ARFGEF2: variants seen among roughly 807,000 people sequenced by gnomAD.
ARFGEF2 encodes the protein ARF guanine nucleotide exchange factor 2.
In ARFGEF2, 74 loss-of-function variants were observed where a neutral mutation model predicts 219.9. The observed-to-expected ratio is 0.34, with a 90% confidence interval of 0.28 to 0.41. The LOEUF (loss-of-function observed/expected upper bound fraction) is 0.41, where lower values mean the gene tolerates loss of function less well. ARFGEF2 is among the 10% of genes least tolerant of loss of function. The pLI is 1.00. For synonymous variants in ARFGEF2, 733 were observed against 799.2 expected (o/e 0.92, Z 1.40); for missense variants, 1,743 against 2,218.3 (o/e 0.79, Z 4.30).
chr20:49,031,323 G>A (rs2091633328), intron 37 of ARFGEF2, among the ~76,000 whole-genome samples: 1 of 139,370 alleles, frequency 7.2e-6, no homozygotes, highest in Non-Finnish European at 1.5e-5. Flanking sequence ...TCCACCTCCT[G>A]AGTTCAAGTG....
intron 1 of ARFGEF2, among the ~76,000 whole-genome samples, chr20:48,928,002 A>G (rs144450360): frequency 6.6e-6 from 1 of 152,196 alleles, no homozygotes; most frequent in Non-Finnish European, 1.5e-5. Context: ...GAGACTTTGA[A>G]AGTTTGATTT....
chr20:48,985,431 A>C lies in ARFGEF2; in HGVS notation c.2094A>C (p.Gly698=), dbSNP rs2091321405. Residue 698 remains glycine, a synonymous_variant, in exon 16 of 39, where the codon GGA becomes GGC. Coordinates refer to ENST00000371917, the MANE Select transcript of ARFGEF2 (RefSeq NM_006420.3). ...AGACCCAAGTAGGCGATTTTCTGGG[A>C]GATAGCGCAAGGTTCAACAAGGAGG... ...LDSTQVGDFL[G]DSARFNKEVM... is the part of the protein sequence containing the mutation. 6.2e-7 allele frequency: 1 copy of C among 1,614,026 alleles called. No individual in the cohort carries two copies. Among genetic ancestry groups the C allele is most frequent in the African/African-American group, 1.3e-5 (1 of 74,908 alleles).
At chr20:49,023,327 G>C (rs2091578339) in intron 35 of ARFGEF2, 146 bp downstream of exon 35, 2 of 1,158,232 alleles carry the variant, frequency 1.7e-6, no homozygotes, top group Non-Finnish European at 2.5e-6. Flanking sequence ...ATGGCATGTT[G>C]ATGCTTAAAA....
intron 25 of ARFGEF2, among the ~76,000 whole-genome samples, chr20:49,003,462 G>C (rs1317938101): frequency 6.6e-6 from 1 of 151,666 alleles, no homozygotes; most frequent in East Asian, 2.0e-4. Flanking sequence ...AAAATTAGCC[G>C]ATCTTGGTGG....
chr20:48,955,398 A>T (rs1000782070), intron 6 of ARFGEF2, among the ~76,000 whole-genome samples: 1 of 152,024 alleles, frequency 6.6e-6, no homozygotes, highest in East Asian at 1.9e-4. Flanking sequence ...TTTCCATAGT[A>T]CTTACAATAC....
At chr20:48,990,107 A>AGGT (rs1367336566) in intron 20 of ARFGEF2, among the ~76,000 whole-genome samples, 1 of 152,142 alleles carries the variant, frequency 6.6e-6, no homozygotes, top group Non-Finnish European at 1.5e-5. Flanking sequence ...TGAACCCAGG[A>AGGT]GGTGGAGGTT....
At chr20:48,929,666 A>C (rs2090901283) in intron 1 of ARFGEF2, among the ~76,000 whole-genome samples, 1 of 152,224 alleles carries the variant, frequency 6.6e-6, no homozygotes, top group Admixed American at 6.5e-5. Flanking sequence ...TTGAGAATTA[A>C]TGATGAGTGA....
chr20:48,979,714 G>A (rs1406952120), intron 14 of ARFGEF2, among the ~76,000 whole-genome samples: 2 of 152,198 alleles, frequency 1.3e-5, no homozygotes, highest in East Asian at 3.8e-4. Context: ...GAGGGTGTAT[G>A]TGTCGAGGAA....
intron 36 of ARFGEF2, among the ~76,000 whole-genome samples, chr20:49,025,939 G>A (rs13041022): frequency 0.36 from 54,512 of 149,882 alleles, 10,662 homozygotes; most frequent in African/African-American, 0.53. Flanking sequence ...CCGAGATTGC[G>A]CCACTGCACT....
At chr20:48,923,040 A>G (rs748981086) in intron 1 of ARFGEF2, among the ~76,000 whole-genome samples, 21 of 152,244 alleles carry the variant, frequency 1.4e-4, no homozygotes, top group Non-Finnish European at 2.5e-4. Flanking sequence ...AATCTTTTCC[A>G]AGAGGAAAAG....
At chr20:48,999,897 T>C (rs922740694) in intron 25 of ARFGEF2, among the ~76,000 whole-genome samples, 1 of 152,202 alleles carries the variant, frequency 6.6e-6, no homozygotes, top group Non-Finnish European at 1.5e-5. Flanking sequence ...TGAAGAGTTA[T>C]AATACCAATG....
chr20:48,992,568 C>G (rs1410479016), intron 21 of ARFGEF2, among the ~76,000 whole-genome samples: 3 of 152,194 alleles, frequency 2.0e-5, no homozygotes, highest in Non-Finnish European at 2.9e-5. Flanking sequence ...CGAGTCCCAC[C>G]TTCTTCATCT....
chr20:48,971,841 C>T (rs2091230388), intron 10 of ARFGEF2, among the ~76,000 whole-genome samples: 1 of 151,776 alleles, frequency 6.6e-6, no homozygotes, highest in Non-Finnish European at 1.5e-5. Flanking sequence ...GCGGAGCTTG[C>T]AGTGAGCCAA....
intron 16 of ARFGEF2, among the ~76,000 whole-genome samples, chr20:48,986,892 A>G (rs752859401): frequency 9.9e-5 from 15 of 152,046 alleles, no homozygotes; most frequent in Non-Finnish European, 2.1e-4. Flanking sequence ...TTCTGCAGAG[A>G]TAGAGTTTCA....
At chr20:48,923,358 T>G (rs1424840221) in intron 1 of ARFGEF2, among the ~76,000 whole-genome samples, 1 of 152,232 alleles carries the variant, frequency 6.6e-6, no homozygotes, top group Admixed American at 6.5e-5. Context: ...TCTTTTGGCA[T>G]TTAGAAATAG....
chr20:49,001,026 G>A (rs1162334984), intron 25 of ARFGEF2, among the ~76,000 whole-genome samples: 2 of 146,316 alleles, frequency 1.4e-5, no homozygotes, highest in African/African-American at 5.0e-5. Context: ...TGCTGTTTAA[G>A]CACCAGGTCA....
chr20:48,969,042 C>A, intron 8 of ARFGEF2, 105 bp from the exon 9 acceptor site: 2 of 1,166,460 alleles, frequency 1.7e-6, no homozygotes, highest in Non-Finnish European at 1.3e-6. Flanking sequence ...CTTACTGCAG[C>A]CTTGACCTCC....
intron 8 of ARFGEF2, among the ~76,000 whole-genome samples, chr20:48,966,357 G>C (rs1324405667): frequency 6.6e-6 from 1 of 152,098 alleles, no homozygotes; most frequent in Admixed American, 6.6e-5. Flanking sequence ...GTATTGAAAA[G>C]TCAGTATGAC....
At chr20:49,022,533 G>C (rs1028938268) in intron 34 of ARFGEF2, among the ~76,000 whole-genome samples, 9 of 152,290 alleles carry the variant, frequency 5.9e-5, no homozygotes, top group Admixed American at 1.3e-4. Context: ...TGGTCTTTAG[G>C]AGTAGCCCAC....
Sources: allele counts gnomAD v4.1 joint callset (sites outside exome capture counted in the v4.1 genomes callset), GRCh38; gene constraint gnomAD v4.1.1; transcripts MANE v1.5; gene names NCBI Gene and HGNC (gene_info 2026-07-23, HGNC 2026-07-21).